Variants in UBASH3B observed in about 807,000 individuals in gnomAD.
The protein encoded by UBASH3B is ubiquitin-associated and SH3 domain-containing protein B.
A neutral mutation model predicts 83.4 loss-of-function variants in UBASH3B; 37 were observed. That is an observed-to-expected ratio of 0.44 (90% confidence interval 0.34 to 0.58). The LOEUF (loss-of-function observed/expected upper bound fraction) is 0.58, where lower values mean the gene tolerates loss of function less well. Ranked by LOEUF, UBASH3B falls within the 20% of genes least tolerant of loss-of-function variation. The probability of loss-of-function intolerance (pLI) is 0.01; values close to 1 mark genes in which losing one functional copy is unlikely to be tolerated. For missense variants in UBASH3B, 657 were observed against 827.2 expected, an observed-to-expected ratio of 0.79 and a Z score of 2.52; for synonymous variants, 304 against 318.3, an observed-to-expected ratio of 0.96 and a Z score of 0.48.
At chr11:122,717,916 T>C (rs1010977526) in intron 1 of UBASH3B, among the ~76,000 whole-genome samples, 1 of 151,574 alleles carries the variant, frequency 6.6e-6, no homozygotes, top group African/African-American at 2.4e-5. Flanking sequence ...CTTTCTTTTT[T>C]TTTTTTTCGG....
At chr11:122,739,054 G>T (rs1439343068) in intron 1 of UBASH3B, among the ~76,000 whole-genome samples, 1 of 152,096 alleles carries the variant, frequency 6.6e-6, no homozygotes, top group Non-Finnish European at 1.5e-5. Flanking sequence ...GCTGGAGTGT[G>T]GTGGCACGAT....
chr11:122,655,774 A>C lies in UBASH3B; in HGVS notation c.-276A>C. ...GGAGAGGGAAGGGGGCGGAGGAGAC[A>C]GGGCTACTGCAGGCGCAGAGCTGGG... On this transcript the variant is annotated 5_prime_UTR_variant, in exon 1 of 14. Transcript: ENST00000284273. 1 of 384,620 alleles carries C rather than the reference A, an allele frequency of 2.6e-6. No homozygotes were observed. Among genetic ancestry groups the C allele is most frequent in the East Asian group, 4.1e-5 (1 of 24,412 alleles). 23.8% of individuals were successfully genotyped at this position (384,620 alleles called of 1,614,324 possible). A position where few individuals can be genotyped will look rare whatever the true frequency, so the allele number is the denominator to read the frequency against.
chr11:122,751,220 G>C (rs778476270), intron 1 of UBASH3B, among the ~76,000 whole-genome samples: 9 of 152,212 alleles, frequency 5.9e-5, no homozygotes, highest in African/African-American at 1.7e-4. Context: ...GGAAAAATTA[G>C]ATATTATTTC....
chr11:122,749,429 G>A (rs988580432), intron 1 of UBASH3B, among the ~76,000 whole-genome samples: 9 of 152,254 alleles, frequency 5.9e-5, no homozygotes, highest in African/African-American at 2.2e-4. Flanking sequence ...TTTGCATTGT[G>A]CTTTGCATCT....
In UBASH3B at chr11:122,813,179, T is replaced by C. The variant is rs1861479115; in HGVS notation, c.*3293T>C. On this transcript the variant is annotated 3_prime_UTR_variant, in exon 14 of 14. Transcript: ENST00000284273. ...TTGTTGATAATTTCCTTGTTAGTGGTATTTGGAATGCATATAGATTGTCTT... is the reference window on the plus strand; with the variant it reads ...TTGTTGATAATTTCCTTGTTAGTGGCATTTGGAATGCATATAGATTGTCTT... 6.6e-6 allele frequency: 1 copy of C among 152,264 alleles called. No homozygotes were observed. Among genetic ancestry groups the C allele is most frequent in the African/African-American group, 2.4e-5 (1 of 41,456 alleles). The allele number at this position is 152,264 out of a possible 1,614,324, so 9.4% of individuals were successfully genotyped here.
At chr11:122,796,769 G>T in intron 8 of UBASH3B, 142 bp from the exon 9 acceptor site, 1 of 1,102,408 alleles carries the variant, frequency 9.1e-7, no homozygotes, top group Non-Finnish European at 1.3e-6. Flanking sequence ...TGTCAGCCTT[G>T]ATATTTTCTA....
In UBASH3B at chr11:122,806,357, T is replaced by C; in HGVS notation, c.1596-53T>C. 1 of 1,465,632 alleles carries C rather than the reference T, an allele frequency of 6.8e-7. No individual in the cohort carries two copies. The highest frequency in any genetic ancestry group is 2.0e-5 in the Admixed American group (1 of 48,788). 90.8% of individuals were successfully genotyped at this position (1,465,632 alleles called of 1,614,324 possible). ...ATAAAAGTTTAGAGTGATATCTTCC[T>C]TTGTCTCAAGATCAAAATGTTTTCA... On this transcript the variant is annotated intron_variant, in intron 11 of 13. Transcript: ENST00000284273. The surrounding 1 kb of genome is among the most constrained non-coding windows in gnomAD (Gnocchi z 4.0).
At chr11:122,738,859 C>T (rs556814523) in intron 1 of UBASH3B, among the ~76,000 whole-genome samples, 8 of 150,032 alleles carry the variant, frequency 5.3e-5, no homozygotes, top group African/African-American at 2.0e-4. Flanking sequence ...TGCACCCCAG[C>T]CTGGGCAACA....
intron 1 of UBASH3B, among the ~76,000 whole-genome samples, chr11:122,763,233 C>T (rs1160191051): frequency 1.3e-5 from 2 of 152,178 alleles, no homozygotes; most frequent in Non-Finnish European, 2.9e-5. Context: ...TATGTCACCA[C>T]CCATGGTCTA....
At chr11:122,740,018 A>G (rs966845278) in intron 1 of UBASH3B, among the ~76,000 whole-genome samples, 3 of 152,222 alleles carry the variant, frequency 2.0e-5, no homozygotes, top group Admixed American at 2.0e-4. Context: ...CTGTAAAGCC[A>G]TATGTTCCAT....
chr11:122,778,349 G>A (rs1038843740), intron 3 of UBASH3B, among the ~76,000 whole-genome samples: 6 of 151,980 alleles, frequency 3.9e-5, no homozygotes, highest in South Asian at 2.1e-4. Flanking sequence ...TTTGAGAGAC[G>A]TTCATTCTTT....
rs538070540 is a variant in UBASH3B, at chr11:122,807,475, G to A, written c.1703-592G>A. The stretch of plus-strand genomic sequence containing the variant: ...AGTTATGTAAGATGTTACCATTGGA[G>A]GGGGATGGGATGAAGGGTTCATGGG... On this transcript the variant is annotated intron_variant, in intron 12 of 13. Coordinates refer to ENST00000284273, the MANE Select transcript of UBASH3B (RefSeq NM_032873.5). 2.0e-5 allele frequency among the ~76,000 whole-genome samples: 3 copies of A among 152,264 alleles called. No individual in the cohort carries two copies. The East Asian group carries it at 5.8e-4, about 29-fold the overall frequency.
chr11:122,778,859 C>T (rs183701718), intron 3 of UBASH3B, among the ~76,000 whole-genome samples: 1 of 152,296 alleles, frequency 6.6e-6, no homozygotes, highest in Admixed American at 6.5e-5. Flanking sequence ...CCCGCCTCAG[C>T]CTCCCAAAGT....
chr11:122,699,554 TTTC>T (rs1299232704), intron 1 of UBASH3B, among the ~76,000 whole-genome samples: 2 of 149,412 alleles, frequency 1.3e-5, no homozygotes, highest in East Asian at 3.9e-4. Flanking sequence ...TCTTTCTTTC[TTTC>T]TTTCTTTCTT....
intron 3 of UBASH3B, among the ~76,000 whole-genome samples, chr11:122,778,945 C>T (rs1330449464): frequency 6.6e-6 from 1 of 152,112 alleles, no homozygotes; most frequent in East Asian, 1.9e-4. Context: ...ACATTTATGG[C>T]GTATAACATG....
intron 1 of UBASH3B, among the ~76,000 whole-genome samples, chr11:122,688,109 A>G (rs1591769374): frequency 6.6e-6 from 1 of 151,990 alleles, no homozygotes; most frequent in East Asian, 1.9e-4. Flanking sequence ...CTCAGGAACA[A>G]AGGGAGAAGC....
intron 1 of UBASH3B, among the ~76,000 whole-genome samples, chr11:122,735,530 G>T (rs1860917681): frequency 6.6e-6 from 1 of 152,200 alleles, no homozygotes; most frequent in South Asian, 2.1e-4. Flanking sequence ...TGTGATAGAG[G>T]CGAGAGGTTC....
At chr11:122,707,775 T>C (rs1414781797) in intron 1 of UBASH3B, among the ~76,000 whole-genome samples, 4 of 54,886 alleles carry the variant, frequency 7.3e-5, no homozygotes, top group Non-Finnish European at 1.6e-4. Flanking sequence ...CTTGGCTCAC[T>C]GCAACCTCCG....
At chr11:122,676,193 A>C (rs1376082856) in intron 1 of UBASH3B, among the ~76,000 whole-genome samples, 2 of 152,106 alleles carry the variant, frequency 1.3e-5, no homozygotes, top group African/African-American at 4.8e-5. Context: ...CTTTGAGCCC[A>C]GGAGTTCGAG....
Sources: allele counts gnomAD v4.1 joint callset (sites outside exome capture counted in the v4.1 genomes callset), GRCh38; gene constraint gnomAD v4.1.1; non-coding constraint Gnocchi (gnomAD v3.1); transcripts MANE v1.5; gene names NCBI Gene and HGNC (gene_info 2026-07-23, HGNC 2026-07-21).